Variants in CSMD2 observed in about 807,000 individuals in gnomAD.
The protein encoded by CSMD2 is CUB and Sushi multiple domains 2.
A neutral mutation model predicts 398.5 loss-of-function variants in CSMD2; 130 were observed. That is an observed-to-expected ratio of 0.33 (90% CI 0.28 to 0.38). The LOEUF (loss-of-function observed/expected upper bound fraction) is 0.38, where lower values mean the gene tolerates loss of function less well. Ranked by LOEUF, CSMD2 falls within the 10% of genes least tolerant of loss-of-function variation. CSMD2 has a pLI of 1.00. For missense variants in CSMD2, 3,829 were observed against 4,764.9 expected (o/e 0.80, Z 5.78); for synonymous variants, 1,828 against 1,908.5 (o/e 0.96, Z 1.10).
intron 25 of CSMD2, among the ~76,000 whole-genome samples, chr1:33,682,025 A>C (rs1444058499): frequency 1.3e-5 from 2 of 152,204 alleles, no homozygotes. Flanking sequence ...TCTGGAGGCC[A>C]GATGTCTGAA....
intron 4 of CSMD2, 43 bp downstream of exon 4, chr1:33,935,717 C>T: frequency 6.5e-7 from 1 of 1,543,628 alleles, no homozygotes; most frequent in Non-Finnish European, 8.7e-7. Flanking sequence ...CATCACCTCC[C>T]AGCCACTGCC....
intron 2 of CSMD2, among the ~76,000 whole-genome samples, chr1:34,043,136 G>C (rs939631472): frequency 1.3e-5 from 2 of 152,080 alleles, no homozygotes. Flanking sequence ...GTATTAGCCA[G>C]GATGGTCTCA....
chr1:34,155,011 C>G (rs778939420), intron 1 of CSMD2, among the ~76,000 whole-genome samples: 1 of 152,192 alleles, frequency 6.6e-6, no homozygotes, highest in Non-Finnish European at 1.5e-5. Flanking sequence ...CAGGCGTGAG[C>G]CACCGCGCCC....
intron 2 of CSMD2, among the ~76,000 whole-genome samples, chr1:34,059,084 T>G (rs971014854): frequency 6.6e-6 from 1 of 152,146 alleles, no homozygotes; most frequent in South Asian, 2.1e-4. Context: ...AGGACACAAG[T>G]AAGTGAGCAA....
At chr1:33,816,885 T>C (rs1233223413) in intron 9 of CSMD2, among the ~76,000 whole-genome samples, 1 of 152,040 alleles carries the variant, frequency 6.6e-6, no homozygotes, top group East Asian at 1.9e-4. Context: ...GAATTAATTG[T>C]GTGGGAAAAT....
At chr1:34,112,739 A>G (rs1052013340) in intron 1 of CSMD2, among the ~76,000 whole-genome samples, 3 of 152,212 alleles carry the variant, frequency 2.0e-5, no homozygotes, top group Non-Finnish European at 1.5e-5. Context: ...AGTTAGTCCA[A>G]TGCTAGAGAT....
chr1:33,657,861 A>G, intron 27 of CSMD2, 85 bp downstream of exon 27: 2 of 1,336,514 alleles, frequency 1.5e-6, no homozygotes, highest in Non-Finnish European at 1.0e-6. Context: ...CCCCAGGCCC[A>G]AGATGCAGCT....
chr1:34,044,021 G>A (rs1002258436), intron 2 of CSMD2, among the ~76,000 whole-genome samples: 3 of 152,128 alleles, frequency 2.0e-5, no homozygotes, highest in South Asian at 2.1e-4. Context: ...CCCAGCCATC[G>A]CCCCAGGATG....
At chr1:33,680,362 C>G (rs1045896778) in intron 25 of CSMD2, among the ~76,000 whole-genome samples, 1 of 152,068 alleles carries the variant, frequency 6.6e-6, no homozygotes, top group Non-Finnish European at 1.5e-5. Context: ...GCTCATAGCT[C>G]TTTACGGCTC....
intron 10 of CSMD2, among the ~76,000 whole-genome samples, chr1:33,807,448 C>T (rs1656356000): frequency 6.6e-6 from 1 of 152,084 alleles, no homozygotes; most frequent in Non-Finnish European, 1.5e-5. Context: ...TAGAGTTTAT[C>T]ATTGACAAGA....
intron 4 of CSMD2, among the ~76,000 whole-genome samples, chr1:33,934,052 A>T (rs1425160645): frequency 6.6e-6 from 1 of 152,216 alleles, no homozygotes; most frequent in Non-Finnish European, 1.5e-5. Context: ...CATGCCATGT[A>T]ATTTTTATCC....
intron 12 of CSMD2, among the ~76,000 whole-genome samples, chr1:33,774,115 G>A (rs1319224864): frequency 1.1e-5 from 1 of 86,974 alleles, no homozygotes; most frequent in Non-Finnish European, 2.2e-5. Flanking sequence ...GATTGTGTGT[G>A]TGTGTGTGTG....
At chr1:33,576,871 A>T (rs1301529244) in intron 49 of CSMD2, among the ~76,000 whole-genome samples, 2 of 152,000 alleles carry the variant, frequency 1.3e-5, no homozygotes, top group African/African-American at 4.8e-5. Context: ...AACTGTCATA[A>T]ATCATAAAAT....
chr1:33,682,869 AATTT>A (rs1363514609), intron 25 of CSMD2, among the ~76,000 whole-genome samples: 4 of 152,048 alleles, frequency 2.6e-5, no homozygotes, highest in African/African-American at 9.7e-5. Flanking sequence ...CGTTGTATCT[AATTT>A]ATTTTTTCCC....
chr1:33,883,746 A>G (rs571059782), intron 5 of CSMD2, among the ~76,000 whole-genome samples: 16 of 152,310 alleles, frequency 1.1e-4, no homozygotes, highest in African/African-American at 3.1e-4. Context: ...ACATGCCTTG[A>G]ATTGGGAAAC....
intron 21 of CSMD2, among the ~76,000 whole-genome samples, chr1:33,713,811 C>G (rs1490044188): frequency 6.6e-6 from 1 of 152,266 alleles, no homozygotes; most frequent in Middle Eastern, 3.4e-3. Context: ...GGCCAAACGT[C>G]AACTCATCAG....
At chr1:33,955,177 T>C (rs1034811466) in intron 3 of CSMD2, among the ~76,000 whole-genome samples, 3 of 152,182 alleles carry the variant, frequency 2.0e-5, no homozygotes, top group Non-Finnish European at 4.4e-5. Context: ...GAATTATTCA[T>C]CATCAAGGAG....
At chr1:33,544,879 T>G (rs2148609424) in intron 57 of CSMD2, among the ~76,000 whole-genome samples, 1 of 147,824 alleles carries the variant, frequency 6.8e-6, no homozygotes, top group Admixed American at 6.7e-5. Flanking sequence ...TGCCTCACAT[T>G]CACCCTCTTT....
intron 37 of CSMD2, among the ~76,000 whole-genome samples, chr1:33,621,578 T>C (rs1475632191): frequency 6.6e-6 from 1 of 152,184 alleles, no homozygotes; most frequent in African/African-American, 2.4e-5. Flanking sequence ...TTCTTTCCTG[T>C]ACCCAGTGGA....
Sources: gnomAD v4.1 joint callset for allele counts (sites outside exome capture counted in the v4.1 genomes callset) on GRCh38, gnomAD v4.1.1 for gene constraint, MANE v1.5 for transcripts, NCBI Gene and HGNC (gene_info 2026-07-23, HGNC 2026-07-21) for gene names.